Variants in HTRA1 observed in about 807,000 individuals in gnomAD.
The protein encoded by HTRA1 is HtrA serine peptidase 1.
A neutral mutation model predicts 49.7 loss-of-function variants in HTRA1; 26 were observed. That is an observed-to-expected ratio of 0.52 (90% CI 0.38 to 0.73). The LOEUF (loss-of-function observed/expected upper bound fraction) is 0.73, where lower values mean the gene tolerates loss of function less well. Ranked by LOEUF, HTRA1 falls within the 30% of genes least tolerant of loss-of-function variation. HTRA1 has a pLI of 0.00. For synonymous variants in HTRA1, 291 were observed against 286.9 expected, an observed-to-expected ratio of 1.01 and a Z score of -0.14; for missense variants, 561 against 667.2, an observed-to-expected ratio of 0.84 and a Z score of 1.75.
intron 8 of HTRA1, among the ~76,000 whole-genome samples, chr10:122,513,675 AT>A (rs1462714683): frequency 2.2e-5 from 3 of 139,166 alleles, no homozygotes; most frequent in Non-Finnish European, 3.1e-5. Context: ...AAAGAACATT[AT>A]TAAAAAAAAA....
At chr10:122,501,819 G>C (rs1392363680) in intron 3 of HTRA1, among the ~76,000 whole-genome samples, 1 of 152,088 alleles carries the variant, frequency 6.6e-6, no homozygotes, top group Non-Finnish European at 1.5e-5. Flanking sequence ...TGGCCGTCTT[G>C]TGGCTGTGAG....
chr10:122,489,428 G>T lies in HTRA1; in HGVS notation c.579G>T (p.Pro193=). ...VVHIELFRKL[P]FSKREVPVAS... ...GTACTCCTTTGGATTTTAGGCTTCC[G>T]TTTTCTAAACGAGAGGTGCCGGTGG... is the stretch of plus-strand genomic sequence containing the variant. The change falls in exon 3 of 9, where the codon CCG becomes CCT. Residue 193 remains proline, a synonymous_variant. Coordinates refer to ENST00000368984, the MANE Select transcript of HTRA1 (RefSeq NM_002775.5). 8.7e-6 allele frequency: 14 copies of T among 1,614,148 alleles called. No homozygotes were observed. Among genetic ancestry groups the T allele is most frequent in the Non-Finnish European group, 1.1e-5 (13 of 1,180,014 alleles).
At chr10:122,467,679 C>G (rs2097484323) in intron 1 of HTRA1, among the ~76,000 whole-genome samples, 1 of 152,096 alleles carries the variant, frequency 6.6e-6, no homozygotes, top group Non-Finnish European at 1.5e-5. Context: ...ACTCATACCC[C>G]TTGCTCCTTC....
At chr10:122,491,097 T>C (rs2097495588) in intron 3 of HTRA1, among the ~76,000 whole-genome samples, 1 of 152,220 alleles carries the variant, frequency 6.6e-6, no homozygotes, top group Non-Finnish European at 1.5e-5. Context: ...GTGTGTTTAT[T>C]GGTCACAGGA....
intron 1 of HTRA1, among the ~76,000 whole-genome samples, chr10:122,486,744 G>GTA (rs2097493255): frequency 6.6e-6 from 1 of 151,976 alleles, no homozygotes; most frequent in South Asian, 2.1e-4. Context: ...AGAGGCGTGT[G>GTA]TGTGTGTGTG....
At chr10:122,462,164 A>C in intron 1 of HTRA1, 40 bp downstream of exon 1, 37 of 1,457,328 alleles carry the variant, frequency 2.5e-5, no homozygotes, top group African/African-American at 4.2e-5. Context: ...CACTCTCTCC[A>C]TCCCAGCTCG....
rs147948338 is a variant in HTRA1, at chr10:122,507,475, GTTGT to G, written c.1005+84_1005+87del. ...TACGCTGTTTTTTGTTTGTTTGTTT[GTTGT>G]TTGTTTGTTTTTGAGGCAGGGGGTC... On this transcript the variant is annotated intron_variant, in intron 5 of 8. Coordinates refer to ENST00000368984, the MANE Select transcript of HTRA1 (RefSeq NM_002775.5). 451,102 of 1,137,520 alleles carry G rather than the reference GTTGT, an allele frequency of 0.4. 98,084 individuals are homozygous for G. Among genetic ancestry groups the G allele is most frequent in the African/African-American group, 0.56 (36,594 of 64,872 alleles). 70.5% of individuals were successfully genotyped at this position (1,137,520 alleles called of 1,614,324 possible).
Position 122,508,508 on chromosome 10 carries a change from C to T in HTRA1, c.1006-148C>T, listed in dbSNP as rs1264739620. 3 of 726,852 alleles carry T rather than the reference C, an allele frequency of 4.1e-6. No individual in the cohort carries two copies. The East Asian group carries it at 7.6e-5, about 19-fold the overall frequency. 45.0% of individuals were successfully genotyped at this position (726,852 alleles called of 1,614,324 possible). ...TGCCTGGGTGTCCTGATGCCTCTCT[C>T]CCTGCTGCCACGGGGATCCCCTCCT... On this transcript the variant is annotated intron_variant, in intron 5 of 8. Transcript: ENST00000368984.
intron 6 of HTRA1, among the ~76,000 whole-genome samples, chr10:122,509,042 T>C (rs1187831648): frequency 6.6e-6 from 1 of 152,236 alleles, no homozygotes; most frequent in East Asian, 1.9e-4. Context: ...TATTTCACTT[T>C]CTTTATGTAT....
At position 122,461,683 on chromosome 10, in the gene HTRA1, C is replaced by T; in HGVS notation, c.31C>T (p.Leu11=). 2.6e-6 allele frequency: 3 copies of T among 1,161,168 alleles called. No individual in the cohort carries two copies. The highest frequency in any genetic ancestry group is 2.2e-6 in the Non-Finnish European group (2 of 907,312). 71.9% of individuals were successfully genotyped at this position (1,161,168 alleles called of 1,614,324 possible). A position where few individuals can be genotyped will look rare whatever the true frequency, so the allele number is the denominator to read the frequency against. The change falls in exon 1 of 9, where the codon CTG becomes TTG. Residue 11 remains leucine, a synonymous_variant. Coordinates refer to ENST00000368984, the MANE Select transcript of HTRA1 (RefSeq NM_002775.5). ...GATCCCGCGCGCCGCTCTTCTCCCGCTGCTGCTGCTGCTGCTGGCGGCGCC... is the reference window on the plus strand; with the variant it reads ...GATCCCGCGCGCCGCTCTTCTCCCGTTGCTGCTGCTGCTGCTGGCGGCGCC... MQIPRAALLP[L]LLLLLAAPAS...
At chr10:122,491,254 C>T (rs2097495640) in intron 3 of HTRA1, among the ~76,000 whole-genome samples, 2 of 152,244 alleles carry the variant, frequency 1.3e-5, no homozygotes, top group Admixed American at 1.3e-4. Context: ...TGACCCTGCC[C>T]TCCTAAGGCA....
rs187512778 is a variant in HTRA1, at chr10:122,506,124, C to G, written c.778-567C>G. Among the ~76,000 whole-genome samples the G allele has an allele frequency of 1.2e-3, 25 of 20,508 alleles. No individual in the cohort carries two copies. In the East Asian group the frequency reaches 0.051, roughly 42 times the overall value. The allele number at this position is 20,508 out of a possible 152,430, so 13.5% of individuals were successfully genotyped here. ...TGCTGTCCCCATGCTCCATCCCTGC[C>G]CCTGACCAGTGTGGCCCTGTACTCA... On this transcript the variant is annotated intron_variant, in intron 3 of 8. Coordinates refer to ENST00000368984, the MANE Select transcript of HTRA1 (RefSeq NM_002775.5). This position sits in a 1 kb window ranked among gnomAD's most constrained non-coding sequence, Gnocchi z 5.2.
At chr10:122,467,012 T>C (rs556157913) in intron 1 of HTRA1, among the ~76,000 whole-genome samples, 2 of 152,200 alleles carry the variant, frequency 1.3e-5, no homozygotes, top group South Asian at 4.1e-4. Context: ...ATGGGTTGCA[T>C]TGGAACTTAA....
At chr10:122,512,541 C>T (rs1488172867) in intron 8 of HTRA1, among the ~76,000 whole-genome samples, 2 of 152,184 alleles carry the variant, frequency 1.3e-5, no homozygotes, top group African/African-American at 2.4e-5. Flanking sequence ...AGTAGCTCAA[C>T]CATCCATCAG....
chr10:122,466,188 C>T (rs1210636073), intron 1 of HTRA1, among the ~76,000 whole-genome samples: 2 of 151,814 alleles, frequency 1.3e-5, no homozygotes, highest in African/African-American at 4.8e-5. Flanking sequence ...TTTTTTGAGA[C>T]AGTGTCTCGT....
chr10:122,497,489 TCAG>T (rs747971048), intron 3 of HTRA1, among the ~76,000 whole-genome samples: 9 of 152,184 alleles, frequency 5.9e-5, no homozygotes, highest in African/African-American at 4.8e-5. Context: ...TCAGGGCAGT[TCAG>T]CAGATGCTGA....
intron 6 of HTRA1, among the ~76,000 whole-genome samples, chr10:122,509,287 A>G (rs1341455685): frequency 6.6e-6 from 1 of 152,194 alleles, no homozygotes; most frequent in Admixed American, 6.5e-5. Flanking sequence ...AATCAAACAC[A>G]TAAGATACTA....
In HTRA1 at chr10:122,465,233, A is replaced by C. The variant is rs779275559; in HGVS notation, c.472+3109A>C. On this transcript the variant is annotated intron_variant, in intron 1 of 8. Transcript: ENST00000368984. ...TGCACTGGCAGGGTTTGGATGGGAA[A>C]GTATACAATTCAGCTAGAGAACAAA... Among the ~76,000 whole-genome samples, 115 of 152,240 alleles carry C rather than the reference A, an allele frequency of 7.6e-4. 1 individual carries two copies. Among genetic ancestry groups the C allele is most frequent in the Non-Finnish European group, 1.5e-4 (10 of 68,044 alleles).
intron 1 of HTRA1, among the ~76,000 whole-genome samples, chr10:122,472,123 C>T (rs998273908): frequency 6.6e-6 from 1 of 152,000 alleles, no homozygotes; most frequent in African/African-American, 2.4e-5. Flanking sequence ...CATGTCTTTT[C>T]AGCTGTGGTT....
Sources: gnomAD v4.1 joint callset for allele counts (sites outside exome capture counted in the v4.1 genomes callset) on GRCh38, gnomAD v4.1.1 for gene constraint, Gnocchi (gnomAD v3.1) non-coding constraint, MANE v1.5 for transcripts, NCBI Gene and HGNC (gene_info 2026-07-23, HGNC 2026-07-21) for gene names.